STARD13: variants seen among roughly 807,000 people sequenced by gnomAD.
STARD13 encodes stAR-related lipid transfer protein 13.
A neutral mutation model predicts 106.4 loss-of-function variants in STARD13; 62 were observed. The ratio of observed to expected loss-of-function variants is 0.58; its 90% CI spans 0.48 to 0.72. The LOEUF (loss-of-function observed/expected upper bound fraction) is 0.72, where lower values mean the gene tolerates loss of function less well. Ranked by LOEUF, STARD13 falls within the 30% of genes least tolerant of loss-of-function variation. The pLI, the probability that STARD13 is intolerant of heterozygous loss-of-function variation, is 0.00. For missense variants in STARD13, 1,387 were observed against 1,424.0 expected (o/e 0.97, Z 0.42); for synonymous variants, 565 against 553.0 (o/e 1.02, Z -0.31).
chr13:33,424,754 A>G, the STARD13 span, among the ~76,000 whole-genome samples: 1 of 152,206 alleles, frequency 6.6e-6, no homozygotes, highest in African/African-American at 2.4e-5. Flanking sequence ...CATCAAAAAA[A>G]GACATAGCGG....
At chr13:33,475,637 A>G in the STARD13 span, among the ~76,000 whole-genome samples, 3 of 152,210 alleles carry the variant, frequency 2.0e-5, no homozygotes, top group Non-Finnish European at 4.4e-5. Flanking sequence ...CATAAATCAT[A>G]CATTGTTTAT....
At chr13:33,660,455 T>C in the STARD13 span, among the ~76,000 whole-genome samples, 1 of 152,232 alleles carries the variant, frequency 6.6e-6, no homozygotes, top group Non-Finnish European at 1.5e-5. Flanking sequence ...GGCCTTCCCT[T>C]GCTGGTACTG....
chr13:33,567,751 T>A, the STARD13 span, among the ~76,000 whole-genome samples: 1 of 147,992 alleles, frequency 6.8e-6, no homozygotes, highest in African/African-American at 2.5e-5. Context: ...TCCACAAAAA[T>A]TCATCTATGT....
the STARD13 span, among the ~76,000 whole-genome samples, chr13:33,509,089 A>G: frequency 1.3e-5 from 2 of 152,220 alleles, no homozygotes; most frequent in African/African-American, 4.8e-5. Context: ...GTTGACTAAA[A>G]CATCATTATG....
intron 12 of STARD13, 72 bp downstream of exon 12, chr13:33,109,799 GGA>G: frequency 7.0e-7 from 1 of 1,423,128 alleles, no homozygotes; most frequent in Non-Finnish European, 9.9e-7. Flanking sequence ...GGAGACACCA[GGA>G]GAAGTGCTCA....
At chr13:33,460,330 CAA>C in the STARD13 span, among the ~76,000 whole-genome samples, 3 of 138,204 alleles carry the variant, frequency 2.2e-5, no homozygotes, top group African/African-American at 5.3e-5. Context: ...TAGTAAAATA[CAA>C]AAAAAAAAAA....
chr13:33,118,195 G>T lies in STARD13; in HGVS notation c.2151C>A (p.Phe717Leu). The change falls in exon 8 of 14, where the codon TTC becomes TTA. Residue 717 changes from phenylalanine (F) to leucine (L), a missense_variant. Coordinates refer to ENST00000336934, the MANE Select transcript of STARD13 (RefSeq NM_178006.4). ...IHALRQMNEN[F>L]PENVNYEDQS... The stretch of plus-strand genomic sequence containing the variant: ...GGTCTTCATAGTTGACGTTCTCAGG[G>T]AAGTTTTCATTCATTTGGCGAAGGG... 6.2e-7 allele frequency: 1 copy of T among 1,614,164 alleles called. No homozygotes were observed. The highest frequency in any genetic ancestry group is 8.5e-7 in the Non-Finnish European group (1 of 1,180,032).
the STARD13 span, among the ~76,000 whole-genome samples, chr13:33,533,614 A>G: frequency 6.6e-6 from 1 of 152,130 alleles, no homozygotes; most frequent in Non-Finnish European, 1.5e-5. Context: ...AAATTATTAC[A>G]TCTGGTAAGT....
the STARD13 span, among the ~76,000 whole-genome samples, chr13:33,432,834 T>C: frequency 6.6e-6 from 1 of 152,134 alleles, no homozygotes; most frequent in Admixed American, 6.5e-5. Context: ...AAATAAACAT[T>C]AACTAATCTC....
chr13:33,463,870 G>A, the STARD13 span, among the ~76,000 whole-genome samples: 1 of 151,976 alleles, frequency 6.6e-6, no homozygotes, highest in Non-Finnish European at 1.5e-5. Context: ...AAATTAGCCA[G>A]GCATGGTGGC....
chr13:33,262,358 A>G (rs1327258008), intron 1 of STARD13, among the ~76,000 whole-genome samples: 1 of 152,084 alleles, frequency 6.6e-6, no homozygotes, highest in East Asian at 1.9e-4. Flanking sequence ...GTTACTCTCC[A>G]GCCACCAGCC....
rs540877168 is a variant in STARD13, at chr13:33,216,148, CAG to C, written c.170-48528_170-48527del. Among the ~76,000 whole-genome samples the C allele has an allele frequency of 5.1e-3, 784 of 152,290 alleles. 3 individuals carry two copies. The highest frequency in any genetic ancestry group is 0.018 in the African/African-American group (753 of 41,570). The stretch of plus-strand genomic sequence containing the variant: ...AAACTAATACAACCACTCTGGAAAA[CAG>C]TGTGGAGATTCTTTAAAGAACTAAA... On this transcript the variant is annotated intron_variant, in intron 1 of 13. Coordinates refer to ENST00000336934, the MANE Select transcript of STARD13 (RefSeq NM_178006.4).
In STARD13 at chr13:33,268,095, AG is replaced by A. The variant is rs139926659; in HGVS notation, c.169+17374del. On this transcript the variant is annotated intron_variant, in intron 1 of 13. Transcript: ENST00000336934. The stretch of plus-strand genomic sequence containing the variant: ...TCTGTCAACTTCATGCCAGAGATGA[AG>A]TTCATACACTGGACTTCTGGGGGTT... Among the ~76,000 whole-genome samples the A allele has an allele frequency of 1.2e-3, 179 of 152,346 alleles. 1 individual carries two copies. Among genetic ancestry groups the A allele is most frequent in the Admixed American group, 3.7e-3 (56 of 15,308 alleles).
chr13:33,137,142 A>G (rs1474442251), intron 4 of STARD13, among the ~76,000 whole-genome samples: 1 of 152,260 alleles, frequency 6.6e-6, no homozygotes, highest in African/African-American at 2.4e-5. Flanking sequence ...GTTAAAATTA[A>G]TATTTCTAAT....
At chr13:33,458,001 C>A in the STARD13 span, among the ~76,000 whole-genome samples, 105 of 152,272 alleles carry the variant, frequency 6.9e-4, no homozygotes, top group Non-Finnish European at 1.1e-3. Context: ...GATACAAGAA[C>A]AGGTGGTGAG....
intron 5 of STARD13, among the ~76,000 whole-genome samples, chr13:33,128,307 G>A (rs1435311653): frequency 2.0e-5 from 3 of 152,146 alleles, no homozygotes; most frequent in Non-Finnish European, 4.4e-5. Context: ...GCTCAGTATT[G>A]AGATGGAGCC....
At chr13:33,310,981 G>A (rs1174176519) in intron 1 of STARD13, among the ~76,000 whole-genome samples, 1 of 152,032 alleles carries the variant, frequency 6.6e-6, no homozygotes, top group Non-Finnish European at 1.5e-5. Flanking sequence ...TCTAGACATA[G>A]AAAAGGTACA....
chr13:33,547,316 A>G, the STARD13 span, among the ~76,000 whole-genome samples: 1 of 152,358 alleles, frequency 6.6e-6, no homozygotes, highest in Non-Finnish European at 1.5e-5. Context: ...TCTGTTAAAC[A>G]CTTTGTGTCA....
chr13:33,541,205 G>A, the STARD13 span, among the ~76,000 whole-genome samples: 2 of 152,110 alleles, frequency 1.3e-5, no homozygotes, highest in Non-Finnish European at 2.9e-5. Flanking sequence ...ATGGGATATA[G>A]CCAAAGCTGA....
Sources: allele counts gnomAD v4.1 joint callset (sites outside exome capture counted in the v4.1 genomes callset), GRCh38; gene constraint gnomAD v4.1.1; transcripts MANE v1.5; gene names NCBI Gene and HGNC (gene_info 2026-07-23, HGNC 2026-07-21).